IL20RA: variants seen among roughly 807,000 people sequenced by gnomAD.
The protein encoded by IL20RA is interleukin 20 receptor subunit alpha.
A neutral mutation model predicts 36.5 loss-of-function variants in IL20RA; 29 were observed. The observed-to-expected ratio is 0.79, with a 90% confidence interval of 0.59 to 1.08. The LOEUF (loss-of-function observed/expected upper bound fraction) is 1.08. Ranked by LOEUF, IL20RA falls within the 50% of genes least tolerant of loss-of-function variation. The pLI is 0.00. For synonymous variants in IL20RA, 279 were observed against 267.1 expected, an observed-to-expected ratio of 1.04 and a Z score of -0.43; for missense variants, 652 against 668.4, an observed-to-expected ratio of 0.98 and a Z score of 0.27.
chr6:137,001,602 G>T lies in IL20RA; in HGVS notation c.1618C>A (p.Gln540Lys), dbSNP rs1775034765. The T allele has an allele frequency of 6.2e-7, 1 of 1,602,380 alleles. No individual in the cohort carries two copies. The highest frequency in any genetic ancestry group is 1.7e-5 in the Admixed American group (1 of 57,584). ...TATAACCCCCATTCCTCCATGAATT[G>T]CATGAGATAGGTTTCATTTTCTCCT... is the stretch of plus-strand genomic sequence containing the variant. Reference protein sequence around the residue: ...PPGENETYLMQFMEEWGLYVQ... With the variant: ...PPGENETYLMKFMEEWGLYVQ... Residue 540 changes from glutamine (Q) to lysine (K), a missense_variant, in exon 7 of 7, where the codon CAA (glutamine) becomes AAA (lysine). Transcript: ENST00000316649.
intron 6 of IL20RA, among the ~76,000 whole-genome samples, chr6:137,003,922 C>A (rs994885330): frequency 2.0e-4 from 31 of 152,090 alleles, no homozygotes; most frequent in African/African-American, 7.5e-4. Flanking sequence ...GAGAGCTGAG[C>A]CCCTGTGTAG....
intron 4 of IL20RA, 54 bp from the exon 5 acceptor site, chr6:137,008,797 C>T: frequency 7.1e-7 from 1 of 1,404,182 alleles, no homozygotes; most frequent in Non-Finnish European, 9.5e-7. Flanking sequence ...TGGGACCACC[C>T]CAGACAAATA....
chr6:137,003,095 T>G (rs183117120), intron 6 of IL20RA, among the ~76,000 whole-genome samples: 1 of 152,330 alleles, frequency 6.6e-6, no homozygotes, highest in African/African-American at 2.4e-5. Context: ...TTCATTTAAC[T>G]TTACAAAACA....
chr6:137,044,380 T>A lies in IL20RA; in HGVS notation c.88+261A>T. On this transcript the variant is annotated intron_variant, in intron 1 of 6. Transcript: ENST00000316649. ...CCGAACTCCCCCCACCCCACCTCAATTCTCGAGACCGAAAGTGCGGAGCGC... is the reference window on the plus strand; with the variant it reads ...CCGAACTCCCCCCACCCCACCTCAAATCTCGAGACCGAAAGTGCGGAGCGC... The A allele has an allele frequency of 3.0e-5, 27 of 895,148 alleles. No homozygotes were observed. In the East Asian group the frequency reaches 3.6e-4, roughly 12 times the overall value. 55.5% of individuals were successfully genotyped at this position (895,148 alleles called of 1,614,324 possible). A position where few individuals can be genotyped will look rare whatever the true frequency, so the allele number is the denominator to read the frequency against.
chr6:137,044,103 G>A (rs2115436051), intron 1 of IL20RA: 1 of 985,536 alleles, frequency 1.0e-6, no homozygotes, highest in Admixed American at 6.1e-5. Flanking sequence ...TTAAGAAGCT[G>A]CGTCTTTCTG....
At position 137,002,128 on chromosome 6, in the gene IL20RA, C is replaced by A. The variant is rs202196623; in HGVS notation, c.1092G>T (p.Ser364=). 3.7e-6 allele frequency: 6 copies of A among 1,613,990 alleles called. No individual in the cohort carries two copies. The highest frequency in any genetic ancestry group is 1.3e-5 in the African/African-American group (1 of 74,906). ...AGTCACAAAAAATTTCCATCAAATG[C>A]GAAGCATACCCTAAATGTTTCACCT... ...EEEVKHLGYA[S]HLMEIFCDSE... The change falls in exon 7 of 7, where the codon TCG becomes TCT. Residue 364 remains serine (S), a synonymous_variant. Transcript: ENST00000316649.
At chr6:137,006,020 C>T (rs1003314206) in intron 5 of IL20RA, among the ~76,000 whole-genome samples, 5 of 152,178 alleles carry the variant, frequency 3.3e-5, no homozygotes, top group African/African-American at 1.2e-4. Context: ...CTGACTGATA[C>T]AGCTGTAGGA....
chr6:137,044,004 G>T, intron 1 of IL20RA: 1 of 667,866 alleles, frequency 1.5e-6, no homozygotes, highest in Non-Finnish European at 1.9e-6. Flanking sequence ...TAAAAGTTTT[G>T]TTATTTCTGA....
At chr6:137,016,067 G>C (rs535375027) in intron 2 of IL20RA, among the ~76,000 whole-genome samples, 87 of 152,284 alleles carry the variant, frequency 5.7e-4, no homozygotes, top group Non-Finnish European at 9.7e-4. Flanking sequence ...TGGGCTGCAG[G>C]AGGCTGATGT....
intron 5 of IL20RA, among the ~76,000 whole-genome samples, chr6:137,008,129 G>T (rs1775339393): frequency 6.6e-6 from 1 of 152,056 alleles, no homozygotes; most frequent in South Asian, 2.1e-4. Flanking sequence ...TACCAAGCCT[G>T]GTTGATTTTA....
chr6:137,005,010 G>A (rs1311133784), intron 5 of IL20RA, among the ~76,000 whole-genome samples: 1 of 152,152 alleles, frequency 6.6e-6, no homozygotes, highest in Non-Finnish European at 1.5e-5. Context: ...TTTACACTAA[G>A]GATACATCAA....
intron 4 of IL20RA, 31 bp downstream of exon 4, chr6:137,009,284 ATG>A (rs776498164): frequency 6.4e-7 from 1 of 1,555,570 alleles, no homozygotes. Context: ...AGAGTGGTAC[ATG>A]AATGTATGCC....
chr6:137,034,941 T>A (rs1185553362), intron 1 of IL20RA, among the ~76,000 whole-genome samples: 5 of 122,210 alleles, frequency 4.1e-5, no homozygotes, highest in Non-Finnish European at 6.5e-5. Context: ...CGAGACTCCA[T>A]CTCAGAAAAA....
At chr6:137,004,009 T>C (rs1397753581) in intron 6 of IL20RA, among the ~76,000 whole-genome samples, 5 of 152,086 alleles carry the variant, frequency 3.3e-5, no homozygotes, top group African/African-American at 1.2e-4. Flanking sequence ...TATTTTGAAA[T>C]TCTAGTCCTC....
intron 1 of IL20RA, among the ~76,000 whole-genome samples, chr6:137,020,715 T>G (rs186139523): frequency 4.9e-4 from 75 of 152,350 alleles, no homozygotes; most frequent in Non-Finnish European, 9.4e-4. Flanking sequence ...TTAAGCTCAT[T>G]GCAAATACGC....
At position 137,009,347 on chromosome 6, in the gene IL20RA, C is replaced by T; in HGVS notation, c.549G>A (p.Val183=). The T allele has an allele frequency of 6.2e-7, 1 of 1,613,658 alleles. No individual in the cohort carries two copies. Among genetic ancestry groups the T allele is most frequent in the Non-Finnish European group, 8.5e-7 (1 of 1,179,654 alleles). Residue 183 remains valine, a synonymous_variant, in exon 4 of 7, where the codon GTG becomes GTA. Coordinates refer to ENST00000316649, the MANE Select transcript of IL20RA (RefSeq NM_014432.4). Reference sequence around the variant, plus strand: ...TGTTTGATTTAGTATTCAACACAGACACGTTATACTTCAGATTGGAGTATA... The same window carrying T: ...TGTTTGATTTAGTATTCAACACAGATACGTTATACTTCAGATTGGAGTATA... ...QQIYSNLKYN[V]SVLNTKSNRT...
At position 137,001,859 on chromosome 6, in the gene IL20RA, A is replaced by T; in HGVS notation, c.1361T>A (p.Leu454His). 5 of 1,613,350 alleles carry T rather than the reference A, an allele frequency of 3.1e-6. No homozygotes were observed. Among genetic ancestry groups the T allele is most frequent in the Non-Finnish European group, 4.2e-6 (5 of 1,179,624 alleles). Residue 454 changes from leucine (L) to histidine (H), a missense_variant, in exon 7 of 7, where the codon CTC becomes CAC. Leu to His is a moderately conservative substitution (Grantham distance 99). Transcript: ENST00000316649. ...CTGCGCCAGGGGGTCTAAGTCTTGG[A>T]GCTGAGGGGTGTATGAGTACTGTAA... ...QTLQYSYTPQ[L>H]QDLDPLAQEH...
chr6:137,016,979 C>A lies in IL20RA; in HGVS notation c.213G>T (p.Val71=), dbSNP rs779606701. Residue 71 remains valine (V), a synonymous_variant, in exon 2 of 7, where the codon GTG becomes GTT. Transcript: ENST00000316649. ...GLQGVKVTYT[V]QYFIYGQKKW... ...AAGAAGAAACTTACATGAAATACTGCACAGTGTAAGTAACTTTAACTCCTT... is the reference window on the plus strand; with the variant it reads ...AAGAAGAAACTTACATGAAATACTGAACAGTGTAAGTAACTTTAACTCCTT... 2 of 1,613,462 alleles carry A rather than the reference C, an allele frequency of 1.2e-6. No homozygotes were observed. Among genetic ancestry groups the A allele is most frequent in the South Asian group, 1.1e-5 (1 of 91,008 alleles).
chr6:137,001,471 C>T lies in IL20RA; in HGVS notation c.*87G>A. On this transcript the variant is annotated 3_prime_UTR_variant, in exon 7 of 7. Coordinates refer to ENST00000316649, the MANE Select transcript of IL20RA (RefSeq NM_014432.4). ...GACACTGACAAACTGGAAAAAACTT[C>T]TTTCATCCCAGGTACTTTATGGCTG... is the stretch of plus-strand genomic sequence containing the variant. 3 of 1,279,072 alleles carry T rather than the reference C, an allele frequency of 2.3e-6. No individual in the cohort carries two copies. The South Asian group carries it at 4.8e-5, about 20-fold the overall frequency. The allele number at this position is 1,279,072 out of a possible 1,614,324, so 79.2% of individuals were successfully genotyped here. A position where few individuals can be genotyped will look rare whatever the true frequency, so the allele number is the denominator to read the frequency against.
Sources: allele counts gnomAD v4.1 joint callset (sites outside exome capture counted in the v4.1 genomes callset), GRCh38; gene constraint gnomAD v4.1.1; transcripts MANE v1.5; gene names NCBI Gene and HGNC (gene_info 2026-07-23, HGNC 2026-07-21).